Variants in LHFPL2 observed in about 807,000 individuals in gnomAD.
LHFPL2 encodes the protein LHFPL tetraspan subfamily member 2 protein.
In LHFPL2, 7 loss-of-function variants were observed where a neutral mutation model predicts 17.5. That is an observed-to-expected ratio of 0.40 (90% CI 0.23 to 0.75). The LOEUF is 0.75. Ranked by LOEUF, LHFPL2 falls within the 30% of genes least tolerant of loss-of-function variation. The probability of loss-of-function intolerance (pLI) is 0.37; values close to 1 mark genes in which losing one functional copy is unlikely to be tolerated. For synonymous variants in LHFPL2, 134 were observed against 116.2 expected, an observed-to-expected ratio of 1.15 and a Z score of -0.99; for missense variants, 241 against 294.8, an observed-to-expected ratio of 0.82 and a Z score of 1.34.
chr5:78,511,550 C>T (rs1400115834), intron 3 of LHFPL2, among the ~76,000 whole-genome samples: 7 of 152,206 alleles, frequency 4.6e-5, no homozygotes, highest in Admixed American at 6.5e-5. Flanking sequence ...TCTCATTAAC[C>T]GAGGTCAAAT....
intron 2 of LHFPL2, among the ~76,000 whole-genome samples, chr5:78,584,722 T>C (rs1407318646): frequency 2.0e-4 from 30 of 152,276 alleles, no homozygotes; most frequent in Non-Finnish European, 1.3e-4. Flanking sequence ...CTGCAGAGGT[T>C]ATTGCTGTCT....
chr5:78,614,009 C>T (rs2112489767), intron 2 of LHFPL2, among the ~76,000 whole-genome samples: 1 of 152,316 alleles, frequency 6.6e-6, no homozygotes. Context: ...CATCACAATA[C>T]TGTCTTGTCT....
chr5:78,591,038 C>T (rs956697306), intron 2 of LHFPL2, among the ~76,000 whole-genome samples: 1 of 151,994 alleles, frequency 6.6e-6, no homozygotes, highest in African/African-American at 2.4e-5. Context: ...AAAAAGTTAG[C>T]CAAATATTTA....
chr5:78,617,001 A>G (rs1157012602), intron 2 of LHFPL2, among the ~76,000 whole-genome samples: 1 of 152,130 alleles, frequency 6.6e-6, no homozygotes, highest in Non-Finnish European at 1.5e-5. Flanking sequence ...TAATGACAGT[A>G]ATTATGACAC....
intron 4 of LHFPL2, 55 bp from the exon 5 acceptor site, chr5:78,489,208 C>T (rs756334218): frequency 1.3e-6 from 2 of 1,595,996 alleles, no homozygotes; most frequent in East Asian, 2.2e-5. Context: ...TACAACTGTC[C>T]AGATCTGTTG....
chr5:78,536,542 A>G (rs1335599634), intron 3 of LHFPL2, among the ~76,000 whole-genome samples: 1 of 152,226 alleles, frequency 6.6e-6, no homozygotes, highest in Non-Finnish European at 1.5e-5. Flanking sequence ...CATCCTCATG[A>G]AAATTTTAAA....
intron 1 of LHFPL2, among the ~76,000 whole-genome samples, chr5:78,637,398 G>A (rs909586067): frequency 1.3e-5 from 2 of 152,066 alleles, no homozygotes; most frequent in African/African-American, 2.4e-5. Context: ...TGGGGGGAGG[G>A]GGGGAAGCCT....
chr5:78,570,846 C>T (rs540011874), intron 2 of LHFPL2, among the ~76,000 whole-genome samples: 72 of 151,998 alleles, frequency 4.7e-4, no homozygotes, highest in African/African-American at 1.4e-3. Flanking sequence ...AACAGGTGGC[C>T]GCAGTGAATA....
chr5:78,640,623 C>T (rs1302608397), intron 1 of LHFPL2, among the ~76,000 whole-genome samples: 4 of 152,134 alleles, frequency 2.6e-5, no homozygotes, highest in Admixed American at 2.0e-4. Context: ...CAAAAAGTAA[C>T]ATACTACTTG....
chr5:78,527,068 G>A (rs1020455896), intron 3 of LHFPL2, among the ~76,000 whole-genome samples: 1 of 152,192 alleles, frequency 6.6e-6, no homozygotes, highest in African/African-American at 2.4e-5. Context: ...TGTTAAATTC[G>A]CTTTGTCAGA....
chr5:78,525,452 T>C (rs1755593615), intron 3 of LHFPL2, among the ~76,000 whole-genome samples: 1 of 152,176 alleles, frequency 6.6e-6, no homozygotes, highest in African/African-American at 2.4e-5. Flanking sequence ...ATCCATAACC[T>C]TGGAAAAATG....
At chr5:78,556,512 C>T (rs1756575583) in intron 3 of LHFPL2, among the ~76,000 whole-genome samples, 2 of 152,132 alleles carry the variant, frequency 1.3e-5, no homozygotes, top group Admixed American at 1.3e-4. Flanking sequence ...CTCTCTTATA[C>T]TGCCAATGAG....
At chr5:78,558,711 G>A (rs1445194861) in intron 3 of LHFPL2, among the ~76,000 whole-genome samples, 6 of 152,112 alleles carry the variant, frequency 3.9e-5, no homozygotes, top group African/African-American at 1.4e-4. Context: ...AGAATTCTTT[G>A]TGCAATAATC....
chr5:78,581,413 A>T (rs1258591556), intron 2 of LHFPL2, among the ~76,000 whole-genome samples: 1 of 152,162 alleles, frequency 6.6e-6, no homozygotes, highest in African/African-American at 2.4e-5. Context: ...ATTCAGTATG[A>T]TATTGGCTGT....
intron 2 of LHFPL2, among the ~76,000 whole-genome samples, chr5:78,579,171 G>A (rs1039681319): frequency 6.6e-6 from 1 of 152,146 alleles, no homozygotes; most frequent in South Asian, 2.1e-4. Context: ...CCTACAATAA[G>A]GTGACCCAAG....
chr5:78,580,372 G>C (rs13358050), intron 2 of LHFPL2, among the ~76,000 whole-genome samples: 2,701 of 152,192 alleles, frequency 0.018, 38 homozygotes, highest in Middle Eastern at 0.058. Flanking sequence ...TGTCAATTCT[G>C]GCTTTTGTTG....
At chr5:78,634,851 C>T (rs1332000068) in intron 1 of LHFPL2, among the ~76,000 whole-genome samples, 1 of 152,194 alleles carries the variant, frequency 6.6e-6, no homozygotes, top group Non-Finnish European at 1.5e-5. Flanking sequence ...GTACCATGCC[C>T]CCTTGAGGAC....
At chr5:78,643,859 G>A (rs562269196) in intron 1 of LHFPL2, among the ~76,000 whole-genome samples, 6 of 152,210 alleles carry the variant, frequency 3.9e-5, no homozygotes, top group African/African-American at 9.6e-5. Flanking sequence ...TCAGGAGTTC[G>A]AGACCAGCCT....
chr5:78,579,434 T>C (rs1373819972), intron 2 of LHFPL2, among the ~76,000 whole-genome samples: 3 of 152,162 alleles, frequency 2.0e-5, no homozygotes, highest in Non-Finnish European at 4.4e-5. Context: ...GCTGGTGCGC[T>C]GCACCCACTA....
Sources: allele counts gnomAD v4.1 joint callset (sites outside exome capture counted in the v4.1 genomes callset), GRCh38; gene constraint gnomAD v4.1.1; transcripts MANE v1.5; gene names NCBI Gene and HGNC (gene_info 2026-07-23, HGNC 2026-07-21).